The following RORA variants were observed in gnomAD, a reference collection of about 807,000 sequenced individuals.
RORA encodes nuclear receptor ROR-alpha.
Under a neutral mutation model 69.5 loss-of-function variants are expected in RORA, and 7 were observed. That is an observed-to-expected ratio of 0.10 (90% confidence interval 0.06 to 0.19). The LOEUF (loss-of-function observed/expected upper bound fraction) is 0.19. Among genes scored for constraint, RORA ranks in the 10% least tolerant of loss-of-function variants. The probability of loss-of-function intolerance (pLI) is 1.00; values close to 1 mark genes in which losing one functional copy is unlikely to be tolerated. For synonymous variants in RORA, 261 were observed against 240.8 expected (o/e 1.08, Z -0.78); for missense variants, 457 against 663.0 (o/e 0.69, Z 3.41).
At chr15:61,058,541 G>A (rs1393134920) in intron 1 of RORA, among the ~76,000 whole-genome samples, 2 of 152,136 alleles carry the variant, frequency 1.3e-5, no homozygotes, top group Non-Finnish European at 2.9e-5. Flanking sequence ...AGCAAAAGGG[G>A]TAATCTGAAG....
intron 1 of RORA, among the ~76,000 whole-genome samples, chr15:60,811,050 C>T (rs183031391): frequency 3.3e-5 from 5 of 152,124 alleles, no homozygotes; most frequent in African/African-American, 4.8e-5. Context: ...GAGACAAGTC[C>T]GAAAGAGAAA....
chr15:61,175,541 T>TAAATAAAAAAAAAAAAAAA lies in RORA; in HGVS notation c.166+53511_166+53512insTTTTTTTTTTTTTTTATTT, dbSNP rs61188463. Among the ~76,000 whole-genome samples the TAAATAAAAAAAAAAAAAAA allele has an allele frequency of 1.7e-5, 2 of 120,214 alleles. 1 individual carries two copies. Among genetic ancestry groups the TAAATAAAAAAAAAAAAAAA allele is most frequent in the Non-Finnish European group, 3.5e-5 (2 of 57,542 alleles). 78.9% of individuals were successfully genotyped at this position (120,214 alleles called of 152,430 possible). A position where few individuals can be genotyped will look rare whatever the true frequency, so the allele number is the denominator to read the frequency against. ...GAGCAACATAGTGAGATCCTGTTTC[T>TAAATAAAAAAAAAAAAAAA]AAAAAAAAAAAAAAAAAACTTGCCA... is the stretch of plus-strand genomic sequence containing the variant. On this transcript the variant is annotated intron_variant, in intron 1 of 10. Coordinates refer to ENST00000335670, the MANE Select transcript of RORA (RefSeq NM_134261.3).
intron 1 of RORA, among the ~76,000 whole-genome samples, chr15:60,701,744 G>A (rs1310169877): frequency 1.3e-5 from 2 of 152,108 alleles, no homozygotes; most frequent in African/African-American, 4.8e-5. Flanking sequence ...AGAGAGGAAC[G>A]GTGCTCCTCT....
At chr15:60,679,763 TA>T (rs2070614112) in intron 1 of RORA, among the ~76,000 whole-genome samples, 1 of 152,172 alleles carries the variant, frequency 6.6e-6, no homozygotes, top group Non-Finnish European at 1.5e-5. Flanking sequence ...AGACATTTTT[TA>T]AAAAGTTGGT....
chr15:60,612,324 T>C (rs1218169275), intron 2 of RORA, among the ~76,000 whole-genome samples: 2 of 152,210 alleles, frequency 1.3e-5, no homozygotes, highest in Admixed American at 1.3e-4. Context: ...ATACCAATTC[T>C]GTTTCCTTCC....
intron 1 of RORA, among the ~76,000 whole-genome samples, chr15:61,132,459 T>C (rs1229755651): frequency 6.6e-6 from 1 of 152,184 alleles, no homozygotes; most frequent in Non-Finnish European, 1.5e-5. Flanking sequence ...CATATCCCAG[T>C]TCCGGATAAA....
At chr15:60,800,963 G>C (rs2072571615) in intron 1 of RORA, among the ~76,000 whole-genome samples, 1 of 152,236 alleles carries the variant, frequency 6.6e-6, no homozygotes, top group South Asian at 2.1e-4. Flanking sequence ...ACTTTCTGCA[G>C]TGCTTGGCAC....
At chr15:60,643,206 AAAG>A (rs2069975984) in intron 2 of RORA, among the ~76,000 whole-genome samples, 1 of 152,232 alleles carries the variant, frequency 6.6e-6, no homozygotes, top group African/African-American at 2.4e-5. Flanking sequence ...GTTAAATTAA[AAAG>A]AAATCTTTTT....
intron 1 of RORA, among the ~76,000 whole-genome samples, chr15:60,990,914 T>G (rs1894357104): frequency 6.6e-6 from 1 of 152,106 alleles, no homozygotes; most frequent in Non-Finnish European, 1.5e-5. Context: ...CTAAAGTGAG[T>G]TACTGACAAC....
rs567687902 is a variant in RORA at position 61,108,594 on chromosome 15, C to T, written c.166+120459G>A. ...AATCCTAAAACATTTACTGTATGGC[C>T]ATTTACGGAAACGTCTGTAGACCTT... On this transcript the variant is annotated intron_variant, in intron 1 of 10. Coordinates refer to ENST00000335670, the MANE Select transcript of RORA (RefSeq NM_134261.3). Among the ~76,000 whole-genome samples the T allele has an allele frequency of 8.7e-4, 132 of 152,280 alleles. 2 individuals are homozygous for T. Among genetic ancestry groups the T allele is most frequent in the South Asian group, 7.0e-3 (34 of 4,826 alleles).
At chr15:60,504,544 T>TCAAAA (rs1161117262) in intron 6 of RORA, among the ~76,000 whole-genome samples, 3 of 152,128 alleles carry the variant, frequency 2.0e-5, no homozygotes, top group Admixed American at 6.5e-5. Flanking sequence ...TGAGACTGTC[T>TCAAAA]CAAAACAAAA....
intron 1 of RORA, among the ~76,000 whole-genome samples, chr15:60,824,108 C>G (rs945860188): frequency 2.6e-5 from 4 of 152,116 alleles, no homozygotes; most frequent in Non-Finnish European, 5.9e-5. Context: ...GCTGGCAGAT[C>G]CCCTTTCCTA....
At chr15:61,083,150 G>C (rs1445478036) in intron 1 of RORA, among the ~76,000 whole-genome samples, 1 of 152,176 alleles carries the variant, frequency 6.6e-6, no homozygotes, top group South Asian at 2.1e-4. Context: ...GTTCACTGCA[G>C]GATTCTTTCT....
chr15:61,228,531 GCCCCCCGC>G (rs1375880549), intron 1 of RORA, among the ~76,000 whole-genome samples: 1 of 78,884 alleles, frequency 1.3e-5, no homozygotes, highest in Non-Finnish European at 2.6e-5. Context: ...CACTCCTCCC[GCCCCCCGC>G]CCAGATCTGA....
At chr15:60,720,308 C>T (rs1185958817) in intron 1 of RORA, among the ~76,000 whole-genome samples, 1 of 152,090 alleles carries the variant, frequency 6.6e-6, no homozygotes, top group Non-Finnish European at 1.5e-5. Context: ...ATGTAGTCCT[C>T]GCCCTGACGG....
chr15:61,018,001 C>T (rs1411984318), intron 1 of RORA, among the ~76,000 whole-genome samples: 1 of 152,216 alleles, frequency 6.6e-6, no homozygotes, highest in Non-Finnish European at 1.5e-5. Context: ...GCTCAACCTA[C>T]ATGACATAAG....
rs146880622 is a variant in RORA, at chr15:60,889,496, A to C, written c.167-210810T>G. 1.6e-3 allele frequency among the ~76,000 whole-genome samples: 240 copies of C among 152,308 alleles called. 1 individual carries two copies. Among genetic ancestry groups the C allele is most frequent in the African/African-American group, 5.2e-3 (215 of 41,570 alleles). On this transcript the variant is annotated intron_variant, in intron 1 of 10. Coordinates refer to ENST00000335670, the MANE Select transcript of RORA (RefSeq NM_134261.3). ...CTTCCTAGTGAGTGCTGGGACATCC[A>C]TTTATTTGGGAGAGAACAAAATGCA...
chr15:60,842,162 C>A (rs991085708), intron 1 of RORA, among the ~76,000 whole-genome samples: 11 of 152,242 alleles, frequency 7.2e-5, no homozygotes, highest in African/African-American at 2.6e-4. Context: ...CTCTACCACC[C>A]CAGGGCCGTC....
At chr15:61,180,924 C>T (rs1274002223) in intron 1 of RORA, among the ~76,000 whole-genome samples, 2 of 151,966 alleles carry the variant, frequency 1.3e-5, no homozygotes, top group East Asian at 1.9e-4. Context: ...GCCAATATGG[C>T]GAAACCTCTT....
Sources: gnomAD v4.1 joint callset for allele counts (sites outside exome capture counted in the v4.1 genomes callset) on GRCh38, gnomAD v4.1.1 for gene constraint, MANE v1.5 for transcripts, NCBI Gene and HGNC (gene_info 2026-07-23, HGNC 2026-07-21) for gene names.